SLIT3: variants seen among roughly 807,000 people sequenced by gnomAD.
The protein encoded by SLIT3 is slit guidance ligand 3.
Under a neutral mutation model 184.0 loss-of-function variants are expected in SLIT3, and 68 were observed. The ratio of observed to expected loss-of-function variants is 0.37; its 90% CI spans 0.30 to 0.45. The LOEUF (loss-of-function observed/expected upper bound fraction) is 0.45, where lower values mean the gene tolerates loss of function less well. Among genes scored for constraint, SLIT3 ranks in the 20% least tolerant of loss-of-function variants. The pLI is 1.00. For synonymous variants in SLIT3, 831 were observed against 828.6 expected, an observed-to-expected ratio of 1.00 and a Z score of -0.05; for missense variants, 1,707 against 2,026.0, an observed-to-expected ratio of 0.84 and a Z score of 3.02.
At chr5:168,992,928 G>C (rs1266953511) in intron 4 of SLIT3, 4 of 152,168 alleles carry the variant, frequency 2.6e-5, no homozygotes, top group African/African-American at 9.7e-5. Context: ...GTTAGCAAAG[G>C]CCCTTTACAC....
chr5:169,060,045 C>T (rs1281323253), intron 4 of SLIT3, among the ~76,000 whole-genome samples: 1 of 152,230 alleles, frequency 6.6e-6, no homozygotes, highest in Admixed American at 6.5e-5. Flanking sequence ...ATGGCCCTCC[C>T]CAGAACCTGA....
intron 4 of SLIT3, among the ~76,000 whole-genome samples, chr5:168,976,470 C>G (rs1581261795): frequency 6.6e-6 from 1 of 152,160 alleles, no homozygotes; most frequent in African/African-American, 2.4e-5. Context: ...TGCTAACCAT[C>G]ATTTAAAATT....
intron 4 of SLIT3, among the ~76,000 whole-genome samples, chr5:168,892,392 A>C (rs1330005734): frequency 6.6e-6 from 1 of 152,210 alleles, no homozygotes; most frequent in Non-Finnish European, 1.5e-5. Context: ...AGTATGTTTT[A>C]GAATAAGGAA....
intron 4 of SLIT3, among the ~76,000 whole-genome samples, chr5:169,191,705 C>T (rs956677085): frequency 1.1e-4 from 17 of 152,134 alleles, no homozygotes; most frequent in South Asian, 2.1e-4. Context: ...TCCCCATGCC[C>T]ACGTGCCTGG....
intron 4 of SLIT3, among the ~76,000 whole-genome samples, chr5:168,968,585 T>C (rs1040357926): frequency 1.3e-5 from 2 of 152,232 alleles, no homozygotes; most frequent in African/African-American, 2.4e-5. Context: ...AAAATCTCAC[T>C]GGGGAGACAT....
At chr5:169,013,222 T>C (rs1370319236) in intron 4 of SLIT3, 1 of 152,292 alleles carries the variant, frequency 6.6e-6, no homozygotes, top group African/African-American at 2.4e-5. Context: ...AGCCCACAAA[T>C]GTGAACTCCA....
intron 4 of SLIT3, among the ~76,000 whole-genome samples, chr5:169,051,456 C>T (rs898988227): frequency 6.6e-6 from 1 of 152,032 alleles, no homozygotes; most frequent in Non-Finnish European, 1.5e-5. Context: ...TAGCTTTTAC[C>T]TTCCAGAGGA....
rs750470911 is a variant in SLIT3, at chr5:168,804,072, C to T, written c.935+2374G>A. 2.2e-4 allele frequency among the ~76,000 whole-genome samples: 34 copies of T among 151,566 alleles called. No individual in the cohort carries two copies. The Middle Eastern group carries it at 0.01, about 46-fold the overall frequency. ...CTGTAATCCCAGAACTTTAGGAGGCCGAGGCGGGTGGATCACCTGAGGTCA... is the reference window on the plus strand; with the variant it reads ...CTGTAATCCCAGAACTTTAGGAGGCTGAGGCGGGTGGATCACCTGAGGTCA... On this transcript the variant is annotated intron_variant, in intron 9 of 35. Transcript: ENST00000519560.
chr5:168,737,994 TAAGA>T (rs752612585), intron 20 of SLIT3, among the ~76,000 whole-genome samples: 1 of 152,182 alleles, frequency 6.6e-6, no homozygotes, highest in Non-Finnish European at 1.5e-5. Context: ...CTGCTTTCCA[TAAGA>T]TTCTGTAAGC....
At chr5:168,821,407 G>A (rs1022102902) in intron 7 of SLIT3, among the ~76,000 whole-genome samples, 9 of 152,190 alleles carry the variant, frequency 5.9e-5, no homozygotes, top group Non-Finnish European at 1.0e-4. Flanking sequence ...ACATGTCTGG[G>A]GTAATGCAGG....
rs575178855 is a variant in SLIT3 at position 168,798,220 on chromosome 5, C to CTTTTTTTTTTTTTTTTTTTTTT, written c.936-2643_936-2642insAAAAAAAAAAAAAAAAAAAAAA. Among the ~76,000 whole-genome samples the CTTTTTTTTTTTTTTTTTTTTTT allele has an allele frequency of 4.5e-4, 50 of 112,252 alleles. 5 individuals carry two copies. Among genetic ancestry groups the CTTTTTTTTTTTTTTTTTTTTTT allele is most frequent in the African/African-American group, 1.5e-3 (35 of 24,088 alleles). The allele number at this position is 112,252 out of a possible 152,430, so 73.6% of individuals were successfully genotyped here. Reference sequence around the variant, plus strand: ...CTTTTGGTTTTCTTTTCTTCTTCTTCTTCTTTTTTTTTTTTTTTTAAGAGA... The same window carrying CTTTTTTTTTTTTTTTTTTTTTT: ...CTTTTGGTTTTCTTTTCTTCTTCTTCTTTTTTTTTTTTTTTTTTTTTTTTCTTTTTTTTTTTTTTTTAAGAGA... On this transcript the variant is annotated intron_variant, in intron 9 of 35. Transcript: ENST00000519560.
At chr5:168,923,516 CTTTTT>C (rs35732966) in intron 4 of SLIT3, among the ~76,000 whole-genome samples, 2 of 134,368 alleles carry the variant, frequency 1.5e-5, no homozygotes, top group African/African-American at 5.7e-5. Flanking sequence ...TCCTAAATAT[CTTTTT>C]TTTTTTTTTT....
chr5:169,165,585 A>G (rs1393660650), intron 4 of SLIT3, among the ~76,000 whole-genome samples: 1 of 152,220 alleles, frequency 6.6e-6, no homozygotes, highest in East Asian at 1.9e-4. Context: ...AAATTCGTTC[A>G]TTCAATATTT....
chr5:168,716,921 T>G (rs905030691), intron 23 of SLIT3, among the ~76,000 whole-genome samples: 1 of 147,876 alleles, frequency 6.8e-6, no homozygotes, highest in Non-Finnish European at 1.5e-5. Flanking sequence ...GCCTTGGGGC[T>G]ACTCAGCAGC....
intron 4 of SLIT3, among the ~76,000 whole-genome samples, chr5:169,064,552 C>T (rs1758283887): frequency 6.6e-6 from 1 of 152,176 alleles, no homozygotes; most frequent in Admixed American, 6.5e-5. Context: ...TAGCTGGAAA[C>T]TAACAGAGCC....
chr5:168,924,688 C>T (rs551645510), intron 4 of SLIT3, among the ~76,000 whole-genome samples: 1 of 152,052 alleles, frequency 6.6e-6, no homozygotes, highest in South Asian at 2.1e-4. Flanking sequence ...TTTTTTTGTA[C>T]TTTTTGTAGA....
intron 4 of SLIT3, among the ~76,000 whole-genome samples, chr5:169,057,769 T>C (rs1302411567): frequency 1.3e-5 from 2 of 152,140 alleles, no homozygotes; most frequent in Non-Finnish European, 2.9e-5. Flanking sequence ...ATGATAAGGC[T>C]CACACTCCAC....
In SLIT3 at chr5:169,119,921, T is replaced by C. The variant is rs74638091; in HGVS notation, c.413+73558A>G. On this transcript the variant is annotated intron_variant, in intron 4 of 35. Coordinates refer to ENST00000519560, the MANE Select transcript of SLIT3 (RefSeq NM_003062.4). ...CCTATCAGAACCCTCATTTGTCACATGACTTAAAGAATAAAAAAAGATAAG... is the reference window on the plus strand; with the variant it reads ...CCTATCAGAACCCTCATTTGTCACACGACTTAAAGAATAAAAAAAGATAAG... 3.9e-3 allele frequency: 600 copies of C among 152,310 alleles called. 2 individuals carry two copies. The highest frequency in any genetic ancestry group is 0.013 in the African/African-American group (561 of 41,564). The allele number at this position is 152,310 out of a possible 1,614,324, so 9.4% of individuals were successfully genotyped here.
intron 4 of SLIT3, among the ~76,000 whole-genome samples, chr5:168,895,459 T>C (rs1760629100): frequency 6.6e-6 from 1 of 152,060 alleles, no homozygotes; most frequent in South Asian, 2.1e-4. Context: ...ATGGTAGAGG[T>C]GAGATGCTAT....
Sources: allele counts gnomAD v4.1 joint callset (sites outside exome capture counted in the v4.1 genomes callset), GRCh38; gene constraint gnomAD v4.1.1; transcripts MANE v1.5; gene names NCBI Gene and HGNC (gene_info 2026-07-23, HGNC 2026-07-21).